The following PPTC7 variants were observed in gnomAD, a reference collection of about 807,000 sequenced individuals.
PPTC7 encodes the protein protein phosphatase targeting COQ7, also known as protein phosphatase PTC7 homolog.
A neutral mutation model predicts 30.8 loss-of-function variants in PPTC7; 6 were observed. The ratio of observed to expected loss-of-function variants is 0.19; its 90% CI spans 0.11 to 0.38. The LOEUF is 0.38. Ranked by LOEUF, PPTC7 falls within the 10% of genes least tolerant of loss-of-function variation. The pLI, the probability that PPTC7 is intolerant of heterozygous loss-of-function variation, is 1.00. For missense variants in PPTC7, 218 were observed against 404.8 expected, an observed-to-expected ratio of 0.54 and a Z score of 3.96; for synonymous variants, 163 against 168.1, an observed-to-expected ratio of 0.97 and a Z score of 0.23.
chr12:110,562,958 C>T (rs1489979891), intron 1 of PPTC7, among the ~76,000 whole-genome samples: 4 of 149,804 alleles, frequency 2.7e-5, no homozygotes, highest in Non-Finnish European at 5.9e-5. Flanking sequence ...CCTGTCTCTA[C>T]TAAAAATACA....
At chr12:110,565,782 G>A (rs959356440) in intron 1 of PPTC7, among the ~76,000 whole-genome samples, 2 of 152,198 alleles carry the variant, frequency 1.3e-5, no homozygotes, top group Admixed American at 6.5e-5. Context: ...AAAATGAAGT[G>A]ATGATTTTGG....
rs2064354045 is a variant in PPTC7 at position 110,552,184 on chromosome 12, A to G, written c.224-216T>C. Among the ~76,000 whole-genome samples the G allele has an allele frequency of 1.3e-5, 2 of 152,242 alleles. 1 individual carries two copies. The highest frequency in any genetic ancestry group is 4.1e-4 in the South Asian group (2 of 4,838). ...AATTTGGCCTTTCATATATTGATGA[A>G]TAAACTTTTGAGCTACCACAGGGTG... On this transcript the variant is annotated intron_variant, in intron 1 of 5. Transcript: ENST00000354300.
At chr12:110,581,990 G>T (rs1163828462) in intron 1 of PPTC7, among the ~76,000 whole-genome samples, 3 of 152,138 alleles carry the variant, frequency 2.0e-5, no homozygotes, top group African/African-American at 7.2e-5. Context: ...TAAAGTTTCT[G>T]ACTGCTTGTG....
chr12:110,551,626 C>T (rs2064350247), intron 2 of PPTC7, among the ~76,000 whole-genome samples, 163 bp downstream of exon 2: 1 of 152,176 alleles, frequency 6.6e-6, no homozygotes, highest in South Asian at 2.1e-4. Context: ...GGATTACAGG[C>T]GTGAGCCACT....
intron 1 of PPTC7, among the ~76,000 whole-genome samples, chr12:110,554,135 C>T (rs1333690336): frequency 2.0e-5 from 3 of 152,130 alleles, no homozygotes; most frequent in Admixed American, 6.6e-5. Flanking sequence ...TTATAAGCAT[C>T]GGCCACTGCA....
intron 1 of PPTC7, among the ~76,000 whole-genome samples, chr12:110,573,454 A>G (rs144274876): frequency 6.6e-6 from 1 of 152,188 alleles, no homozygotes; most frequent in South Asian, 2.1e-4. Context: ...CACACTATTA[A>G]AAACTCCATT....
intron 2 of PPTC7, among the ~76,000 whole-genome samples, chr12:110,551,388 C>T (rs955675969): frequency 1.2e-4 from 18 of 152,150 alleles, no homozygotes; most frequent in Non-Finnish European, 1.9e-4. Flanking sequence ...TCTTGTGGCC[C>T]AGGCTGGGGT....
chr12:110,543,440 A>G (rs1593145022), intron 3 of PPTC7, among the ~76,000 whole-genome samples: 1 of 152,166 alleles, frequency 6.6e-6, no homozygotes, highest in Admixed American at 6.5e-5. Context: ...AGCATGAAAA[A>G]AAAAAAAGGG....
intron 1 of PPTC7, among the ~76,000 whole-genome samples, chr12:110,552,552 G>C (rs1158794861): frequency 6.6e-6 from 1 of 152,222 alleles, no homozygotes. Flanking sequence ...AGCCCAACTT[G>C]AGACATGCTC....
chr12:110,555,223 G>T (rs560581982), intron 1 of PPTC7, among the ~76,000 whole-genome samples: 9 of 152,304 alleles, frequency 5.9e-5, no homozygotes, highest in African/African-American at 2.2e-4. Context: ...ACATAAAGAA[G>T]GCAACAAATA....
chr12:110,559,202 A>T (rs548894648), intron 1 of PPTC7, among the ~76,000 whole-genome samples: 5 of 151,408 alleles, frequency 3.3e-5, no homozygotes, highest in South Asian at 4.2e-4. Flanking sequence ...TTTTTTAAAA[A>T]TTTTTTTTGT....
chr12:110,555,403 A>G (rs1458851769), intron 1 of PPTC7, among the ~76,000 whole-genome samples: 1 of 152,240 alleles, frequency 6.6e-6, no homozygotes, highest in Non-Finnish European at 1.5e-5. Flanking sequence ...AGATGAAAGA[A>G]GACTGGCCAT....
At chr12:110,548,461 G>A (rs550890847) in intron 2 of PPTC7, among the ~76,000 whole-genome samples, 4 of 152,208 alleles carry the variant, frequency 2.6e-5, no homozygotes, top group Admixed American at 1.3e-4. Flanking sequence ...AGCAAAGCAC[G>A]GGTACTGTAA....
chr12:110,580,943 G>A (rs1593171131), intron 1 of PPTC7, among the ~76,000 whole-genome samples: 1 of 151,616 alleles, frequency 6.6e-6, no homozygotes, highest in East Asian at 2.0e-4. Flanking sequence ...GTAAAGACTG[G>A]GTTTCACCAT....
chr12:110,562,811 G>C (rs2064449292), intron 1 of PPTC7, among the ~76,000 whole-genome samples: 1 of 147,960 alleles, frequency 6.8e-6, no homozygotes, highest in Admixed American at 6.8e-5. Flanking sequence ...AAAAAGAAGA[G>C]GAAAAAAAAA....
At chr12:110,545,573 G>A (rs1463597680) in intron 3 of PPTC7, among the ~76,000 whole-genome samples, 1 of 152,168 alleles carries the variant, frequency 6.6e-6, no homozygotes, top group African/African-American at 2.4e-5. Context: ...CATTTCTCCA[G>A]CACAATTTAA....
At chr12:110,560,377 G>A (rs1029074891) in intron 1 of PPTC7, among the ~76,000 whole-genome samples, 2 of 151,102 alleles carry the variant, frequency 1.3e-5, no homozygotes, top group Admixed American at 1.3e-4. Context: ...ACTTCAGCCT[G>A]AGCGACAGAG....
At chr12:110,561,884 G>A (rs191969156) in intron 1 of PPTC7, among the ~76,000 whole-genome samples, 2 of 152,144 alleles carry the variant, frequency 1.3e-5, no homozygotes, top group Admixed American at 6.6e-5. Context: ...ACTTGAGCCC[G>A]GGAGCTGTGA....
intron 1 of PPTC7, among the ~76,000 whole-genome samples, chr12:110,560,408 T>A (rs4766501): frequency 0.79 from 119,379 of 150,164 alleles, 47,649 homozygotes; most frequent in East Asian, 0.99. Context: ...TCTCAAAAAA[T>A]AAAAAATAAA....
Sources: allele counts gnomAD v4.1 joint callset (sites outside exome capture counted in the v4.1 genomes callset), GRCh38; gene constraint gnomAD v4.1.1; transcripts MANE v1.5; gene names NCBI Gene and HGNC (gene_info 2026-07-23, HGNC 2026-07-21).